The following FBXO17 variants were observed in gnomAD, a reference collection of about 807,000 sequenced individuals.
FBXO17 encodes the protein F-box protein 17.
In FBXO17, 43 loss-of-function variants were observed where a neutral mutation model predicts 34.1. The ratio of observed to expected loss-of-function variants is 1.26; its 90% CI spans 0.99 to 1.62. FBXO17 has a LOEUF of 1.62. Among genes scored for constraint, FBXO17 ranks in the 40% most tolerant of loss-of-function variants. The pLI is 0.00. For missense variants in FBXO17, 424 were observed against 386.7 expected, an observed-to-expected ratio of 1.10 and a Z score of -0.81; for synonymous variants, 169 against 166.0, an observed-to-expected ratio of 1.02 and a Z score of -0.14.
In FBXO17 at chr19:38,942,635, A is replaced by G. The variant is rs1974906644; in HGVS notation, c.810T>C (p.Ser270=). ...AGGACAGACGGATCCTGACCCTCAC[A>G]CTGGAGTGGGTCACAAGGGCGCCAT... ...GHYGALVTHS[S]VRVRIRLS Residue 270 remains serine, a synonymous_variant, in exon 6 of 6, where the codon AGT becomes AGC. Transcript: ENST00000292852. 1.3e-6 allele frequency: 2 copies of G among 1,590,466 alleles called. No individual in the cohort carries two copies. The highest frequency in any genetic ancestry group is 1.4e-5 in the African/African-American group (1 of 73,058).
rs763089617 is a variant in FBXO17 at position 38,949,971 on chromosome 19, G to C, written c.349C>G (p.Gln117Glu). 20 of 1,510,370 alleles carry C rather than the reference G, an allele frequency of 1.3e-5. No homozygotes were observed. The highest frequency in any genetic ancestry group is 2.1e-5 in the Admixed American group (1 of 48,542). 93.6% of individuals were successfully genotyped at this position (1,510,370 alleles called of 1,614,324 possible). The change falls in exon 2 of 6, where the codon CAG (glutamine) becomes GAG (glutamate). Residue 117 changes from glutamine (Q) to glutamate (E), a missense_variant and splice_region_variant. Coordinates refer to ENST00000292852, the MANE Select transcript of FBXO17 (RefSeq NM_024907.7). ...CCTGGGCCCCGCCCCCGTCACCCAC[G>C]CTCTCCGCAGGAGTTGAAGATGAGA... The part of the protein sequence containing the change: ...RNLIFNSCGE[Q>E]GFRGWEVEHG...
intron 1 of FBXO17, among the ~76,000 whole-genome samples, chr19:38,972,435 C>T (rs916585798): frequency 6.6e-6 from 1 of 151,934 alleles, no homozygotes; most frequent in African/African-American, 2.4e-5. Context: ...ATCCCAGCTA[C>T]TCAGGAAGCT....
chr19:38,942,580 CT>C lies in FBXO17; in HGVS notation c.*27del, dbSNP rs1974905450. 1 of 1,519,718 alleles carries C rather than the reference CT, an allele frequency of 6.6e-7. No homozygotes were observed. The highest frequency in any genetic ancestry group is 2.5e-5 in the East Asian group (1 of 39,312). 94.1% of individuals were successfully genotyped at this position (1,519,718 alleles called of 1,614,324 possible). On this transcript the variant is annotated 3_prime_UTR_variant, in exon 6 of 6. Transcript: ENST00000292852. ...CACCTGGCTGCAAGGCTGGTCTTGA[CT>C]GACAACGTCAGGCAGTAGTCCAGTC...
chr19:38,947,815 C>T lies in FBXO17; in HGVS notation c.461+752G>A, dbSNP rs550954948. Among the ~76,000 whole-genome samples, 13 of 151,642 alleles carry T rather than the reference C, an allele frequency of 8.6e-5. No individual in the cohort carries two copies. In the East Asian group the frequency reaches 1.4e-3, roughly 16 times the overall value. On this transcript the variant is annotated intron_variant, in intron 3 of 5. Coordinates refer to ENST00000292852, the MANE Select transcript of FBXO17 (RefSeq NM_024907.7). ...CTGGGCTCAAGAGATCCTCCCACTT[C>T]GGCCTCCCAAAGTGCTGGGATTACA...
Position 38,949,982 on chromosome 19 carries a change from G to A in FBXO17, c.338C>T (p.Ser113Phe), listed in dbSNP as rs779721725. The change falls in exon 2 of 6, where the codon TCC (serine) becomes TTC (phenylalanine). Residue 113 changes from serine (S) to phenylalanine (F), a missense_variant. Physicochemically the swap from Ser to Phe is radical, Grantham distance 155. Transcript: ENST00000292852. ...CCCCCGTCACCCACGCTCTCCGCAG[G>A]AGTTGAAGATGAGATTGCGGCCGAA... Reference protein sequence around the residue: ...APFGRNLIFNSCGEQGFRGWE... With the variant: ...APFGRNLIFNFCGEQGFRGWE... 6.5e-7 allele frequency: 1 copy of A among 1,545,862 alleles called. No homozygotes were observed. Among genetic ancestry groups the A allele is most frequent in the Non-Finnish European group, 8.7e-7 (1 of 1,147,316 alleles).
rs1195053983 is a variant in FBXO17 at position 38,975,227 on chromosome 19, T to C, written c.-18+359A>G. On this transcript the variant is annotated intron_variant, in intron 1 of 5. Coordinates refer to ENST00000292852, the MANE Select transcript of FBXO17 (RefSeq NM_024907.7). The surrounding 1 kb of genome is among the most constrained non-coding windows in gnomAD (Gnocchi z 4.9). ...AGCAACGGTAAAAAGCGGCCTGGCC[T>C]TCCCCGGGCTGTTGCGCCCACGTGT... is the stretch of plus-strand genomic sequence containing the variant. Among the ~76,000 whole-genome samples, 5 of 152,188 alleles carry C rather than the reference T, an allele frequency of 3.3e-5. No homozygotes were observed. Among genetic ancestry groups the C allele is most frequent in the African/African-American group, 7.2e-5 (3 of 41,452 alleles).
At chr19:38,945,191 TTGA>T in intron 4 of FBXO17, 87 bp from the exon 5 acceptor site, 2 of 1,540,574 alleles carry the variant, frequency 1.3e-6, no homozygotes, top group South Asian at 2.4e-5. Flanking sequence ...TGGCTCCATC[TTGA>T]TGAAGGTCCT....
At chr19:38,946,284 G>A (rs1233974947) in intron 4 of FBXO17, 188 bp downstream of exon 4, 1 of 1,000,276 alleles carries the variant, frequency 1.0e-6, no homozygotes, top group South Asian at 1.7e-5. Flanking sequence ...AGTGCAGAGT[G>A]GGGGCTCTGG....
intron 1 of FBXO17, among the ~76,000 whole-genome samples, chr19:38,966,190 G>A (rs1054769993): frequency 2.6e-5 from 4 of 151,536 alleles, no homozygotes; most frequent in African/African-American, 7.3e-5. Flanking sequence ...GGCTGGTCTC[G>A]AACTCCTGAC....
Position 38,950,380 on chromosome 19 carries a change from C to T in FBXO17, c.-17-44G>A, listed in dbSNP as rs1399438535. The stretch of plus-strand genomic sequence containing the variant: ...CGGTAGGCGGGTCAGCGCAGCCAGG[C>T]CACCCCCTCCCTACCTTGTCCCCCA... On this transcript the variant is annotated intron_variant, in intron 1 of 5. Coordinates refer to ENST00000292852, the MANE Select transcript of FBXO17 (RefSeq NM_024907.7). The T allele has an allele frequency of 2.4e-5, 34 of 1,390,868 alleles. No individual in the cohort carries two copies. In the South Asian group the frequency reaches 3.5e-4, roughly 15 times the overall value. 86.2% of individuals were successfully genotyped at this position (1,390,868 alleles called of 1,614,324 possible).
intron 1 of FBXO17, chr19:38,952,698 T>C (rs1975103392): frequency 5.7e-6 from 3 of 522,420 alleles, no homozygotes; most frequent in African/African-American, 3.9e-5. Flanking sequence ...AACCAGATAG[T>C]TCTTCCGCAG....
intron 2 of FBXO17, among the ~76,000 whole-genome samples, 189 bp from the exon 3 acceptor site, chr19:38,948,867 C>A (rs927469577): frequency 3.3e-5 from 5 of 152,320 alleles, no homozygotes; most frequent in Middle Eastern, 3.4e-3. Context: ...TGACTCTCAG[C>A]GGTGCCCATC....
At chr19:38,949,912 GC>G in intron 2 of FBXO17, 58 bp downstream of exon 2, 1 of 1,256,480 alleles carries the variant, frequency 8.0e-7, no homozygotes. Context: ...TCCCGGCCCC[GC>G]CCCCGCCTCG....
At chr19:38,950,442 G>C in intron 1 of FBXO17, 106 bp from the exon 2 acceptor site, 1 of 1,338,314 alleles carries the variant, frequency 7.5e-7, no homozygotes, top group African/African-American at 1.5e-5. Context: ...GACCCCATTA[G>C]GTCCATGGGC....
chr19:38,973,812 C>T (rs1243568871), intron 1 of FBXO17, among the ~76,000 whole-genome samples: 3 of 151,332 alleles, frequency 2.0e-5, no homozygotes, highest in Non-Finnish European at 4.4e-5. Context: ...ACCCCGTATC[C>T]ACAAAAAATA....
chr19:38,946,771 G>T (rs2278413), intron 3 of FBXO17: 188,588 of 684,550 alleles, frequency 0.28, 27,053 homozygotes, highest in South Asian at 0.34. Flanking sequence ...CCACCCTGCT[G>T]CGGGCTCCAG....
chr19:38,943,594 T>A (rs1974927378), intron 5 of FBXO17, among the ~76,000 whole-genome samples: 1 of 150,096 alleles, frequency 6.7e-6, no homozygotes, highest in Non-Finnish European at 1.5e-5. Flanking sequence ...CATTTTATTT[T>A]ATTTATTTAT....
At chr19:38,954,306 G>A (rs1600195079) in intron 1 of FBXO17, among the ~76,000 whole-genome samples, 1 of 152,170 alleles carries the variant, frequency 6.6e-6, no homozygotes, top group South Asian at 2.1e-4. Flanking sequence ...GTCTCGATCT[G>A]TGGCCTAGGC....
rs570906850 is a variant in FBXO17 at position 38,965,970 on chromosome 19, A to T, written c.-18+9616T>A. Among the ~76,000 whole-genome samples, 792 of 149,648 alleles carry T rather than the reference A, an allele frequency of 5.3e-3. 6 individuals carry two copies. The highest frequency in any genetic ancestry group is 0.017 in the African/African-American group (710 of 40,632). On this transcript the variant is annotated intron_variant, in intron 1 of 5. Coordinates refer to ENST00000292852, the MANE Select transcript of FBXO17 (RefSeq NM_024907.7). ...ACATTCTTTTTATTTATTTATTTTT[A>T]TTTATTTATTTATTTTTTGAGATGG...
Sources: gnomAD v4.1 joint callset for allele counts (sites outside exome capture counted in the v4.1 genomes callset) on GRCh38, gnomAD v4.1.1 for gene constraint, Gnocchi (gnomAD v3.1) non-coding constraint, MANE v1.5 for transcripts, NCBI Gene and HGNC (gene_info 2026-07-23, HGNC 2026-07-21) for gene names.